The following CAMK2D variants were observed in gnomAD, a reference collection of about 807,000 sequenced individuals.
CAMK2D encodes calcium/calmodulin dependent protein kinase II delta.
CAMK2D carries 37 observed loss-of-function variants against 84.0 expected under a neutral mutation model. That is an observed-to-expected ratio of 0.44 (90% CI 0.34 to 0.58). CAMK2D has a LOEUF of 0.58. Among genes scored for constraint, CAMK2D ranks in the 20% least tolerant of loss-of-function variants. The pLI is 0.02. For synonymous variants in CAMK2D, 202 were observed against 212.5 expected (o/e 0.95, Z 0.43); for missense variants, 448 against 652.5 (o/e 0.69, Z 3.41).
chr4:113,586,765 G>C (rs1335686431), intron 4 of CAMK2D, among the ~76,000 whole-genome samples: 1 of 152,040 alleles, frequency 6.6e-6, no homozygotes, highest in Non-Finnish European at 1.5e-5. Context: ...ATAACATCCA[G>C]AAGCTTACAG....
chr4:113,460,525 T>A (rs1456763415), intron 17 of CAMK2D, among the ~76,000 whole-genome samples: 2 of 152,080 alleles, frequency 1.3e-5, no homozygotes, highest in Non-Finnish European at 2.9e-5. Context: ...TCTACTTTTT[T>A]ATTTTTAAGG....
chr4:113,610,815 C>A (rs1326911928), intron 3 of CAMK2D, among the ~76,000 whole-genome samples: 1 of 152,086 alleles, frequency 6.6e-6, no homozygotes, highest in Non-Finnish European at 1.5e-5. Context: ...GTCATTCATG[C>A]AGCATATTTT....
At chr4:113,655,380 G>C (rs2099194564) in intron 3 of CAMK2D, among the ~76,000 whole-genome samples, 1 of 151,986 alleles carries the variant, frequency 6.6e-6, no homozygotes, top group South Asian at 2.1e-4. Flanking sequence ...TAATCATTGA[G>C]CTATGACGTG....
At chr4:113,573,943 A>C (rs2098767372) in intron 4 of CAMK2D, among the ~76,000 whole-genome samples, 1 of 152,034 alleles carries the variant, frequency 6.6e-6, no homozygotes, top group African/African-American at 2.4e-5. Context: ...GTCTACCCTC[A>C]TTCTCTCTCC....
chr4:113,469,275 A>C (rs2097517554), intron 16 of CAMK2D, among the ~76,000 whole-genome samples: 2 of 152,202 alleles, frequency 1.3e-5, no homozygotes, highest in African/African-American at 4.8e-5. Context: ...TGCAGTGATT[A>C]TTTCTTGGTT....
At position 113,451,888 on chromosome 4, in the gene CAMK2D, A is replaced by C. The variant is rs183630004; in HGVS notation, c.*2657T>G. 6.6e-6 allele frequency: 1 copy of C among 152,360 alleles called. No individual in the cohort carries two copies. Among genetic ancestry groups the C allele is most frequent in the African/African-American group, 2.4e-5 (1 of 41,568 alleles). The allele number at this position is 152,360 out of a possible 1,614,324, so 9.4% of individuals were successfully genotyped here. A position where few individuals can be genotyped will look rare whatever the true frequency, so the allele number is the denominator to read the frequency against. ...CTGTGGAGCATGATGCTGTACACTG[A>C]ATCTTAGGAAAAAGTAAGAAGTCGG... On this transcript the variant is annotated 3_prime_UTR_variant, in exon 21 of 21. Transcript: ENST00000511664.
At chr4:113,724,432 TTAC>T (rs1292413788) in intron 2 of CAMK2D, among the ~76,000 whole-genome samples, 20 of 152,042 alleles carry the variant, frequency 1.3e-4, no homozygotes, top group Non-Finnish European at 2.4e-4. Context: ...TTATCTATTA[TTAC>T]ATGGTGCTTT....
At position 113,754,336 on chromosome 4, in the gene CAMK2D, G is replaced by A. The variant is rs934682970; in HGVS notation, c.160+4984C>T. 6.5e-5 allele frequency: 64 copies of A among 982,456 alleles called. No homozygotes were observed. In the African/African-American group the frequency reaches 8.8e-4, roughly 13 times the overall value. The allele number at this position is 982,456 out of a possible 1,614,324, so 60.9% of individuals were successfully genotyped here. Reference sequence around the variant, plus strand: ...GAGTCAACCTCAGTATAAGCCCAAGGAAGACTTTAAAAATAAATTAAAATT... The same window carrying A: ...GAGTCAACCTCAGTATAAGCCCAAGAAAGACTTTAAAAATAAATTAAAATT... On this transcript the variant is annotated intron_variant, in intron 2 of 20. Coordinates refer to ENST00000511664, the MANE Select transcript of CAMK2D (RefSeq NM_001321571.2).
In CAMK2D at chr4:113,532,103, TATACTTATTGAA is replaced by T. The variant is rs2098462660; in HGVS notation, c.518-816_518-805del. 2.0e-5 allele frequency among the ~76,000 whole-genome samples: 3 copies of T among 152,146 alleles called. No individual in the cohort carries two copies. In the South Asian group the frequency reaches 6.2e-4, roughly 32 times the overall value. ...CACAGATCACTGATGAAACACACTGTATACTTATTGAAATGCAAAGTGTCCAAGAAAGAAACT... is the reference window on the plus strand; with the variant it reads ...CACAGATCACTGATGAAACACACTGTATGCAAAGTGTCCAAGAAAGAAACT... On this transcript the variant is annotated intron_variant, in intron 7 of 20. Coordinates refer to ENST00000511664, the MANE Select transcript of CAMK2D (RefSeq NM_001321571.2).
intron 3 of CAMK2D, among the ~76,000 whole-genome samples, chr4:113,623,342 TA>T (rs2099054254): frequency 6.6e-6 from 1 of 152,054 alleles, no homozygotes; most frequent in African/African-American, 2.4e-5. Flanking sequence ...TAATAATGAC[TA>T]CAGATTAATG....
intron 2 of CAMK2D, among the ~76,000 whole-genome samples, chr4:113,758,756 A>G (rs2099634278): frequency 6.6e-6 from 1 of 152,194 alleles, no homozygotes; most frequent in African/African-American, 2.4e-5. Flanking sequence ...AGTCTGTGTG[A>G]AGCCTTAATG....
chr4:113,625,055 G>C (rs2099061786), intron 3 of CAMK2D, among the ~76,000 whole-genome samples: 2 of 152,168 alleles, frequency 1.3e-5, no homozygotes, highest in Non-Finnish European at 2.9e-5. Flanking sequence ...TGCCTAGTCA[G>C]CCAGATGTCT....
Position 113,761,622 on chromosome 4 carries a change from C to T in CAMK2D, c.-554G>A, listed in dbSNP as rs1301754448. ...GCGCCGGGGCTCCGACGAGCGTGCG[C>T]GCCCGAGGCCGGCTTCCCTCCGGCG... On this transcript the variant is annotated 5_prime_UTR_variant, in exon 1 of 21. Coordinates refer to ENST00000511664, the MANE Select transcript of CAMK2D (RefSeq NM_001321571.2). 1 of 985,112 alleles carries T rather than the reference C, an allele frequency of 1.0e-6. No individual in the cohort carries two copies. Among genetic ancestry groups the T allele is most frequent in the Non-Finnish European group, 1.2e-6 (1 of 829,832 alleles). 61.0% of individuals were successfully genotyped at this position (985,112 alleles called of 1,614,324 possible).
At chr4:113,724,331 GT>G (rs1444303754) in intron 2 of CAMK2D, among the ~76,000 whole-genome samples, 3 of 151,062 alleles carry the variant, frequency 2.0e-5, no homozygotes, top group Non-Finnish European at 1.5e-5. Flanking sequence ...TTACTGTATC[GT>G]TTTCACTCTG....
chr4:113,476,283 A>G (rs1256980928), intron 16 of CAMK2D, among the ~76,000 whole-genome samples: 1 of 152,214 alleles, frequency 6.6e-6, no homozygotes, highest in Non-Finnish European at 1.5e-5. Context: ...ATGGTCTGTC[A>G]CAACTTGCAA....
intron 18 of CAMK2D, 146 bp from the exon 19 acceptor site, chr4:113,457,709 T>C (rs892503016): frequency 1.6e-6 from 1 of 643,600 alleles, no homozygotes; most frequent in African/African-American, 1.8e-5. Context: ...TTTGTACTAA[T>C]TGGGTACTGG....
At chr4:113,702,465 T>G (rs549281447) in intron 2 of CAMK2D, among the ~76,000 whole-genome samples, 6 of 152,096 alleles carry the variant, frequency 3.9e-5, no homozygotes, top group African/African-American at 1.4e-4. Flanking sequence ...AATAGCACTA[T>G]TGAATGGAAA....
chr4:113,673,543 C>G (rs1363057893), intron 2 of CAMK2D, among the ~76,000 whole-genome samples: 2 of 152,220 alleles, frequency 1.3e-5, no homozygotes, highest in African/African-American at 4.8e-5. Context: ...ATCAGAGGAA[C>G]TATACCCAGA....
rs963357266 is a variant in CAMK2D at position 113,722,596 on chromosome 4, T to C, written c.160+36724A>G. 2.0e-5 allele frequency among the ~76,000 whole-genome samples: 3 copies of C among 152,188 alleles called. No homozygotes were observed. The East Asian group carries it at 5.8e-4, about 29-fold the overall frequency. On this transcript the variant is annotated intron_variant, in intron 2 of 20. Transcript: ENST00000511664. ...ATGCAGGATTATTAAGGTGAACATATAGCTTATTATTCCAACTGGGGTACT... is the reference window on the plus strand; with the variant it reads ...ATGCAGGATTATTAAGGTGAACATACAGCTTATTATTCCAACTGGGGTACT...
Sources: gnomAD v4.1 joint callset for allele counts (sites outside exome capture counted in the v4.1 genomes callset) on GRCh38, gnomAD v4.1.1 for gene constraint, MANE v1.5 for transcripts, NCBI Gene and HGNC (gene_info 2026-07-23, HGNC 2026-07-21) for gene names.